COL21A1: variants seen among roughly 807,000 people sequenced by gnomAD.
COL21A1 encodes collagen type XXI alpha 1 chain.
COL21A1 carries 149 observed loss-of-function variants against 137.9 expected under a neutral mutation model. That is an observed-to-expected ratio of 1.08 (90% CI 0.95 to 1.24). COL21A1 has a LOEUF of 1.24. Ranked by LOEUF, COL21A1 falls within the 50% of genes most tolerant of loss-of-function variation. The pLI is 0.00. For missense variants in COL21A1, 1,167 were observed against 1,158.4 expected (o/e 1.01, Z -0.11); for synonymous variants, 456 against 391.5 (o/e 1.16, Z -1.95).
At chr6:56,291,683 C>T (rs1764049299) in intron 1 of COL21A1, among the ~76,000 whole-genome samples, 1 of 152,196 alleles carries the variant, frequency 6.6e-6, no homozygotes, top group South Asian at 2.1e-4. Context: ...TAGCAAGAAC[C>T]CCAAGGGATT....
At chr6:56,394,010 G>A (rs990243804) in exon 1 of COL21A1, 3 of 152,312 alleles carry the variant, frequency 2.0e-5, no homozygotes, top group African/African-American at 7.2e-5. Flanking sequence ...GCTAACTCAT[G>A]TGGTGGCTGC....
intron 1 of COL21A1, among the ~76,000 whole-genome samples, chr6:56,228,615 T>G (rs1339936483): frequency 1.3e-5 from 2 of 151,226 alleles, no homozygotes; most frequent in Non-Finnish European, 3.0e-5. Context: ...TCTAAAAAAG[T>G]ATGGACAGAT....
chr6:56,209,472 T>C (rs56914723), intron 1 of COL21A1, among the ~76,000 whole-genome samples: 2,987 of 152,266 alleles, frequency 0.02, 97 homozygotes, highest in African/African-American at 0.068. Flanking sequence ...GAGCGAAGGA[T>C]ATGACCAGAC....
intron 1 of COL21A1, among the ~76,000 whole-genome samples, chr6:56,252,890 C>T (rs983721106): frequency 5.3e-5 from 8 of 152,168 alleles, no homozygotes; most frequent in African/African-American, 1.2e-4. Flanking sequence ...CTTTTTAGAA[C>T]GAATGACAGG....
intron 1 of COL21A1, among the ~76,000 whole-genome samples, chr6:56,215,050 C>T (rs1780396573): frequency 6.6e-6 from 1 of 151,990 alleles, no homozygotes; most frequent in South Asian, 2.1e-4. Flanking sequence ...TGCTTAACGT[C>T]CTATGTTATA....
chr6:56,342,890 T>C (rs1338830875), intron 1 of COL21A1, among the ~76,000 whole-genome samples: 1 of 152,216 alleles, frequency 6.6e-6, no homozygotes, highest in African/African-American at 2.4e-5. Context: ...GCAGAATATG[T>C]TCAGCTAGAA....
At chr6:56,206,714 ATAT>A (rs1779812417) in intron 1 of COL21A1, among the ~76,000 whole-genome samples, 1 of 16,842 alleles carries the variant, frequency 5.9e-5, no homozygotes, top group Admixed American at 4.8e-4. Flanking sequence ...ATATATATAT[ATAT>A]ATATATATAT....
chr6:56,102,277 T>A (rs1353759179), intron 16 of COL21A1, among the ~76,000 whole-genome samples: 1 of 152,152 alleles, frequency 6.6e-6, no homozygotes, highest in African/African-American at 2.4e-5. Context: ...TATTAAACTA[T>A]CTGAGCAAAA....
At chr6:56,140,418 C>T (rs1469219533) in intron 12 of COL21A1, among the ~76,000 whole-genome samples, 1 of 152,074 alleles carries the variant, frequency 6.6e-6, no homozygotes, top group African/African-American at 2.4e-5. Flanking sequence ...AGTGGAAATT[C>T]CTACTGTAGG....
chr6:56,345,409 A>G (rs964104699), intron 1 of COL21A1, among the ~76,000 whole-genome samples: 1 of 152,200 alleles, frequency 6.6e-6, no homozygotes, highest in Non-Finnish European at 1.5e-5. Flanking sequence ...TATTCATAGT[A>G]CTATCTGTAC....
intron 16 of COL21A1, among the ~76,000 whole-genome samples, chr6:56,106,855 C>T (rs1046244688): frequency 6.6e-6 from 1 of 151,924 alleles, no homozygotes; most frequent in Non-Finnish European, 1.5e-5. Flanking sequence ...GGCGCCATCT[C>T]GGCTCACTGC....
chr6:56,272,641 C>A (rs976906294), intron 1 of COL21A1, among the ~76,000 whole-genome samples: 3 of 152,024 alleles, frequency 2.0e-5, no homozygotes, highest in Non-Finnish European at 4.4e-5. Flanking sequence ...CAATTGTAAT[C>A]CCCATGTGTT....
intron 1 of COL21A1, among the ~76,000 whole-genome samples, chr6:56,376,490 G>A: frequency 6.6e-6 from 1 of 151,930 alleles, no homozygotes; most frequent in Middle Eastern, 3.2e-3. Context: ...ATATGCAGAG[G>A]GGAATAAATC....
intron 10 of COL21A1, among the ~76,000 whole-genome samples, chr6:56,145,996 T>A (rs1288712618): frequency 6.6e-6 from 1 of 152,086 alleles, no homozygotes; most frequent in Admixed American, 6.5e-5. Context: ...AAATGGAAAT[T>A]AAGGAAATAA....
chr6:56,167,325 C>A (rs1776665163), intron 6 of COL21A1, among the ~76,000 whole-genome samples: 1 of 152,138 alleles, frequency 6.6e-6, no homozygotes, highest in African/African-American at 2.4e-5. Flanking sequence ...TATCTTAAAT[C>A]TCCACAACAT....
intron 28 of COL21A1, 130 bp downstream of exon 28, chr6:56,059,884 ATTAT>A (rs1428515137): frequency 1.2e-5 from 7 of 595,856 alleles, no homozygotes; most frequent in Non-Finnish European, 1.7e-5. Flanking sequence ...CAGTTGGCAA[ATTAT>A]TTAAAGACGA....
chr6:56,228,306 G>C (rs765874910), intron 1 of COL21A1, among the ~76,000 whole-genome samples: 1 of 151,844 alleles, frequency 6.6e-6, no homozygotes, highest in Non-Finnish European at 1.5e-5. Context: ...GAGGCAGTAA[G>C]GGCCTGAAGG....
chr6:56,115,217 C>T (rs958426093), intron 16 of COL21A1, among the ~76,000 whole-genome samples: 11 of 150,892 alleles, frequency 7.3e-5, no homozygotes, highest in African/African-American at 2.0e-4. Context: ...GTGGGTGCAG[C>T]GCACCAGCAT....
At chr6:56,280,263 T>C (rs1763759916) in intron 1 of COL21A1, among the ~76,000 whole-genome samples, 1 of 152,186 alleles carries the variant, frequency 6.6e-6, no homozygotes, top group South Asian at 2.1e-4. Flanking sequence ...CTTCAACAAG[T>C]ATTGACTAAG....
Sources: gnomAD v4.1 joint callset for allele counts (sites outside exome capture counted in the v4.1 genomes callset) on GRCh38, gnomAD v4.1.1 for gene constraint, MANE v1.5 for transcripts, NCBI Gene and HGNC (gene_info 2026-07-23, HGNC 2026-07-21) for gene names.